Variants in ZNF341 observed in about 807,000 individuals in gnomAD.
ZNF341 encodes zinc finger protein 341.
A neutral mutation model predicts 87.7 loss-of-function variants in ZNF341; 52 were observed. That is an observed-to-expected ratio of 0.59 (90% CI 0.47 to 0.75). The LOEUF (loss-of-function observed/expected upper bound fraction) is 0.75, where lower values mean the gene tolerates loss of function less well. Among genes scored for constraint, ZNF341 ranks in the 30% least tolerant of loss-of-function variants. ZNF341 has a pLI of 0.00. For missense variants in ZNF341, 977 were observed against 1,145.9 expected, an observed-to-expected ratio of 0.85 and a Z score of 2.13; for synonymous variants, 459 against 472.7, an observed-to-expected ratio of 0.97 and a Z score of 0.38.
chr20:33,771,125 A>C (rs2019524255), intron 10 of ZNF341, among the ~76,000 whole-genome samples: 1 of 152,216 alleles, frequency 6.6e-6, no homozygotes, highest in East Asian at 1.9e-4. Flanking sequence ...CCGTCTCAAA[A>C]AAAATAAAAT....
chr20:33,790,871 TG>T (rs1318276495), intron 14 of ZNF341, 116 bp from the exon 15 acceptor site: 3 of 1,241,350 alleles, frequency 2.4e-6, no homozygotes, highest in East Asian at 5.0e-5. Flanking sequence ...TGGAGAGAGC[TG>T]GGGCCAGATC....
rs1427025970 is a variant in ZNF341 at position 33,780,669 on chromosome 20, C to T, written c.1623-622C>T. ...AGGTGATGCGCCTGCCTCGGCCTCC[C>T]GAAGTACTGGGATTACAGGTGTGAG... On this transcript the variant is annotated intron_variant, in intron 10 of 14. Coordinates refer to ENST00000375200, the MANE Select transcript of ZNF341 (RefSeq NM_001282933.2). 3.3e-5 allele frequency among the ~76,000 whole-genome samples: 5 copies of T among 150,790 alleles called. No homozygotes were observed. In the South Asian group the frequency reaches 6.3e-4, roughly 19 times the overall value.
At chr20:33,783,098 G>A (rs2019776355) in intron 11 of ZNF341, among the ~76,000 whole-genome samples, 1 of 152,036 alleles carries the variant, frequency 6.6e-6, no homozygotes, top group African/African-American at 2.4e-5. Context: ...AGGTTGCAGT[G>A]AGCCAAGATT....
Position 33,784,801 on chromosome 20 carries a change from A to T in ZNF341, c.1852+937A>T, listed in dbSNP as rs369424962. Among the ~76,000 whole-genome samples the T allele has an allele frequency of 1.4e-4, 21 of 151,940 alleles. 1 individual carries two copies. The South Asian group carries it at 3.5e-3, about 26-fold the overall frequency. ...AGCTAGTTTTTTGTATTTTTAGTAG[A>T]AACAGGGTTTTGCCATGTTGGCCAG... On this transcript the variant is annotated intron_variant, in intron 12 of 14. Coordinates refer to ENST00000375200, the MANE Select transcript of ZNF341 (RefSeq NM_001282933.2).
intron 14 of ZNF341, among the ~76,000 whole-genome samples, chr20:33,790,677 A>G (rs958993777): frequency 2.0e-5 from 3 of 152,152 alleles, no homozygotes; most frequent in African/African-American, 7.2e-5. Flanking sequence ...CTCAGGCGTC[A>G]CGGCCCCTCC....
At position 33,749,066 on chromosome 20, in the gene ZNF341, T is replaced by C; in HGVS notation, c.483T>C (p.Pro161=). ...AGCCCATGCCCCAGGGCCCCCCACCTGTGCAGGTAAGAAGGTGTGGGCTTC... is the reference window on the plus strand; with the variant it reads ...AGCCCATGCCCCAGGGCCCCCCACCCGTGCAGGTAAGAAGGTGTGGGCTTC... ...LDQPMPQGPP[P]VQSSLNMHSV... The change falls in exon 4 of 15, where the codon CCT becomes CCC. Residue 161 remains proline, a synonymous_variant. Coordinates refer to ENST00000375200, the MANE Select transcript of ZNF341 (RefSeq NM_001282933.2). 11 of 1,613,204 alleles carry C rather than the reference T, an allele frequency of 6.8e-6. No homozygotes were observed. The highest frequency in any genetic ancestry group is 9.3e-6 in the Non-Finnish European group (11 of 1,179,350).
chr20:33,782,365 TG>T (rs1356729328), intron 11 of ZNF341, among the ~76,000 whole-genome samples: 2 of 152,234 alleles, frequency 1.3e-5, no homozygotes, highest in Admixed American at 1.3e-4. Flanking sequence ...CTGGGCCATT[TG>T]GTTCAGCGGT....
rs888786491 is a variant in ZNF341 at position 33,774,164 on chromosome 20, C to T, written c.1622+3872C>T. 4.0e-5 allele frequency among the ~76,000 whole-genome samples: 6 copies of T among 151,086 alleles called. No homozygotes were observed. The South Asian group carries it at 1.1e-3, about 27-fold the overall frequency. On this transcript the variant is annotated intron_variant, in intron 10 of 14. Transcript: ENST00000375200. ...AAAATTAGCTGGGTGTGGTGGCACA[C>T]TCCTGTAGTCCCAGCCACTCCGGAG...
At chr20:33,753,775 C>T (rs2019112010) in intron 5 of ZNF341, among the ~76,000 whole-genome samples, 1 of 152,216 alleles carries the variant, frequency 6.6e-6, no homozygotes, top group Non-Finnish European at 1.5e-5. Flanking sequence ...GTGTCTCTTA[C>T]AGTTTTTAAT....
rs145837438 is a variant in ZNF341, at chr20:33,754,449, G to C, written c.741+1026G>C. 1.3e-3 allele frequency among the ~76,000 whole-genome samples: 193 copies of C among 152,308 alleles called. 1 individual carries two copies. The highest frequency in any genetic ancestry group is 4.2e-3 in the African/African-American group (174 of 41,568). On this transcript the variant is annotated intron_variant, in intron 5 of 14. Transcript: ENST00000375200. ...ATCCAGCCACAGACATCCCCTGTCA[G>C]GTAGTCTCTTTATGTAAAGAGAGCC...
intron 10 of ZNF341, among the ~76,000 whole-genome samples, chr20:33,773,963 G>T: frequency 6.6e-6 from 1 of 151,846 alleles, no homozygotes. Flanking sequence ...TATCTTTACT[G>T]TATGTTTAAT....
At chr20:33,782,184 C>G (rs1386410220) in intron 11 of ZNF341, among the ~76,000 whole-genome samples, 2 of 152,194 alleles carry the variant, frequency 1.3e-5, no homozygotes, top group Non-Finnish European at 2.9e-5. Context: ...AGGAAGTGTT[C>G]CAATTTCTAG....
chr20:33,759,245 T>G (rs2019244123), intron 7 of ZNF341, among the ~76,000 whole-genome samples: 1 of 152,202 alleles, frequency 6.6e-6, no homozygotes, highest in South Asian at 2.1e-4. Flanking sequence ...AAGGGGAGGC[T>G]GGGCTTGTTC....
chr20:33,753,742 A>G (rs976482011), intron 5 of ZNF341, among the ~76,000 whole-genome samples: 6 of 152,236 alleles, frequency 3.9e-5, no homozygotes, highest in Non-Finnish European at 8.8e-5. Flanking sequence ...AAGAAAAAAG[A>G]TTCAAAAAAA....
intron 8 of ZNF341, among the ~76,000 whole-genome samples, chr20:33,764,515 A>G (rs191449000): frequency 7.5e-6 from 1 of 133,044 alleles, no homozygotes; most frequent in Admixed American, 7.9e-5. Context: ...GTATATATAT[A>G]TGTATATATA....
At chr20:33,738,628 A>G (rs2018742131) in intron 1 of ZNF341, among the ~76,000 whole-genome samples, 1 of 152,176 alleles carries the variant, frequency 6.6e-6, no homozygotes, top group Admixed American at 6.5e-5. Flanking sequence ...GTGGTTCCAG[A>G]TAGTGGAGGG....
chr20:33,788,427 A>T (rs527371836), intron 12 of ZNF341: 68 of 207,204 alleles, frequency 3.3e-4, no homozygotes, highest in East Asian at 2.7e-3. Flanking sequence ...TGTCTCAAAA[A>T]AAATAAATAA....
At chr20:33,785,930 C>T (rs545653444) in intron 12 of ZNF341, among the ~76,000 whole-genome samples, 1 of 152,106 alleles carries the variant, frequency 6.6e-6, no homozygotes, top group African/African-American at 2.4e-5. Flanking sequence ...GGGCCCCCCC[C>T]AGAAGTTGTT....
At chr20:33,761,236 GT>G (rs2019283502) in intron 7 of ZNF341, among the ~76,000 whole-genome samples, 1 of 151,818 alleles carries the variant, frequency 6.6e-6, no homozygotes, top group Non-Finnish European at 1.5e-5. Context: ...CAACTTGAAT[GT>G]TTTTTGCTTC....
Sources: gnomAD v4.1 joint callset for allele counts (sites outside exome capture counted in the v4.1 genomes callset) on GRCh38, gnomAD v4.1.1 for gene constraint, MANE v1.5 for transcripts, NCBI Gene and HGNC (gene_info 2026-07-23, HGNC 2026-07-21) for gene names.